MSX1: variants seen among roughly 807,000 people sequenced by gnomAD.
The protein encoded by MSX1 is homeobox protein MSX-1.
In MSX1, 11 loss-of-function variants were observed where a neutral mutation model predicts 17.0. The ratio of observed to expected loss-of-function variants is 0.65; its 90% CI spans 0.41 to 1.07. The LOEUF (loss-of-function observed/expected upper bound fraction) is 1.07. Ranked by LOEUF, MSX1 falls within the 50% of genes least tolerant of loss-of-function variation. MSX1 has a pLI of 0.00. For missense variants in MSX1, 477 were observed against 440.1 expected (o/e 1.08, Z -0.75); for synonymous variants, 253 against 211.8 (o/e 1.19, Z -1.69).
rs1198963676 is a variant in MSX1 at position 4,859,680 on chromosome 4, C to T, written c.-220C>T. The T allele has an allele frequency of 2.6e-5, 5 of 193,046 alleles. No homozygotes were observed. The highest frequency in any genetic ancestry group is 7.1e-5 in the African/African-American group (3 of 42,362). The allele number at this position is 193,046 out of a possible 1,614,324, so 12.0% of individuals were successfully genotyped here. A position where few individuals can be genotyped will look rare whatever the true frequency, so the allele number is the denominator to read the frequency against. The stretch of plus-strand genomic sequence containing the variant: ...GAGCCGCGGTAGGGCCCGGAGCCGG[C>T]GAGTGCTCCCGGGAACTCTGCCTGC... On this transcript the variant is annotated 5_prime_UTR_variant, in exon 1 of 2. Transcript: ENST00000382723.
In MSX1 at chr4:4,863,202, C is replaced by T; in HGVS notation, c.*59C>T. ...ATTCCTCCAGCCCTGGTGCTGTACCCCCGACGTGCTCCCCTGCTCGGCACC... is the reference window on the plus strand; with the variant it reads ...ATTCCTCCAGCCCTGGTGCTGTACCTCCGACGTGCTCCCCTGCTCGGCACC... On this transcript the variant is annotated 3_prime_UTR_variant, in exon 2 of 2. Coordinates refer to ENST00000382723, the MANE Select transcript of MSX1 (RefSeq NM_002448.3). 2 of 1,520,096 alleles carry T rather than the reference C, an allele frequency of 1.3e-6. No homozygotes were observed. The highest frequency in any genetic ancestry group is 2.4e-5 in the South Asian group (2 of 84,582). The allele number at this position is 1,520,096 out of a possible 1,614,324, so 94.2% of individuals were successfully genotyped here.
chr4:4,859,898 G>T lies in MSX1; in HGVS notation c.-2G>T. ...GCGGCAGAAGGGGGGGCCCGGCTCT[G>T]CATGGCCCCGGCTGCTGACATGACT... On this transcript the variant is annotated 5_prime_UTR_variant, in exon 1 of 2. Coordinates refer to ENST00000382723, the MANE Select transcript of MSX1 (RefSeq NM_002448.3). The T allele has an allele frequency of 1.3e-6, 2 of 1,490,954 alleles. No homozygotes were observed. Among genetic ancestry groups the T allele is most frequent in the Non-Finnish European group, 8.9e-7 (1 of 1,120,648 alleles). The allele number at this position is 1,490,954 out of a possible 1,614,324, so 92.4% of individuals were successfully genotyped here.
At chr4:4,860,516 C>A in intron 1 of MSX1, 148 bp downstream of exon 1, 3 of 943,410 alleles carry the variant, frequency 3.2e-6, no homozygotes, top group Non-Finnish European at 4.8e-6. Flanking sequence ...GGTCTTGCGC[C>A]TCCCTCCACT....
intron 1 of MSX1, among the ~76,000 whole-genome samples, chr4:4,861,672 C>T (rs949872524): frequency 1.6e-4 from 25 of 152,346 alleles, no homozygotes; most frequent in African/African-American, 4.8e-4. Flanking sequence ...CAAAGCGATC[C>T]CGGCTGTGTT....
Position 4,860,388 on chromosome 4 carries a change from G to T in MSX1, c.469+20G>T. On this transcript the variant is annotated intron_variant, in intron 1 of 1. Transcript: ENST00000382723. ...CGGCCAGTGAGTAGCCAGAACCCAG[G>T]CGCAGAGGGAGGGGGCCGGGTGGGG... The T allele has an allele frequency of 6.3e-7, 1 of 1,595,396 alleles. No homozygotes were observed.
At position 4,859,906 on chromosome 4, in the gene MSX1, C is replaced by T; in HGVS notation, c.7C>T (p.Pro3Ser). Residue 3 changes from proline (P) to serine (S), a missense_variant, in exon 1 of 2, where the codon CCG (proline) becomes TCG (serine). Pro to Ser is a moderately conservative substitution (Grantham distance 74). Around this residue, in one of 3 missense-constraint regions of MSX1, gnomAD observed 355 missense variants for 306.1 expected, o/e 1.16. Coordinates refer to ENST00000382723, the MANE Select transcript of MSX1 (RefSeq NM_002448.3). The part of the protein sequence containing the change: MA[P>S]AADMTSLPLG... ...AGGGGGGGCCCGGCTCTGCATGGCCCCGGCTGCTGACATGACTTCTTTGCC... is the reference window on the plus strand; with the variant it reads ...AGGGGGGGCCCGGCTCTGCATGGCCTCGGCTGCTGACATGACTTCTTTGCC... 6.7e-7 allele frequency: 1 copy of T among 1,493,858 alleles called. No individual in the cohort carries two copies. The highest frequency in any genetic ancestry group is 8.9e-7 in the Non-Finnish European group (1 of 1,122,246). The allele number at this position is 1,493,858 out of a possible 1,614,324, so 92.5% of individuals were successfully genotyped here. A position where few individuals can be genotyped will look rare whatever the true frequency, so the allele number is the denominator to read the frequency against.
intron 1 of MSX1, among the ~76,000 whole-genome samples, chr4:4,861,116 A>G (rs1233893399): frequency 6.6e-6 from 1 of 152,266 alleles, no homozygotes; most frequent in Non-Finnish European, 1.5e-5. Context: ...GAGCACGGGA[A>G]ATTCCCAAGT....
chr4:4,861,463 G>C (rs577375829), intron 1 of MSX1, among the ~76,000 whole-genome samples: 2 of 152,366 alleles, frequency 1.3e-5, no homozygotes, highest in East Asian at 1.9e-4. Flanking sequence ...CCAAAGGATC[G>C]TTGTGTTTTC....
intron 1 of MSX1, among the ~76,000 whole-genome samples, chr4:4,861,275 C>A (rs1470347448): frequency 2.6e-5 from 4 of 152,278 alleles, no homozygotes; most frequent in Non-Finnish European, 5.9e-5. Context: ...GGTGGCCCCG[C>A]TCTGGGTTGT....
rs1737966319 is a variant in MSX1 at position 4,863,235 on chromosome 4, G to A, written c.*92G>A. On this transcript the variant is annotated 3_prime_UTR_variant, in exon 2 of 2. Transcript: ENST00000382723. Reference sequence around the variant, plus strand: ...GCTCCCCTGCTCGGCACCGCCAGCCGCCTTCCCTTTAACCCTCACACTGCT... The same window carrying A: ...GCTCCCCTGCTCGGCACCGCCAGCCACCTTCCCTTTAACCCTCACACTGCT... 3.7e-6 allele frequency: 5 copies of A among 1,338,534 alleles called. No individual in the cohort carries two copies. Among genetic ancestry groups the A allele is most frequent in the Non-Finnish European group, 5.1e-6 (5 of 971,934 alleles). The allele number at this position is 1,338,534 out of a possible 1,614,324, so 82.9% of individuals were successfully genotyped here.
Position 4,863,241 on chromosome 4 carries a change from C to A in MSX1, c.*98C>A. ...CTGCTCGGCACCGCCAGCCGCCTTC[C>A]CTTTAACCCTCACACTGCTCCAGTT... is the stretch of plus-strand genomic sequence containing the variant. On this transcript the variant is annotated 3_prime_UTR_variant, in exon 2 of 2. Coordinates refer to ENST00000382723, the MANE Select transcript of MSX1 (RefSeq NM_002448.3). The A allele has an allele frequency of 8.0e-7, 1 of 1,255,088 alleles. No individual in the cohort carries two copies. The highest frequency in any genetic ancestry group is 1.1e-6 in the Non-Finnish European group (1 of 896,792). 77.7% of individuals were successfully genotyped at this position (1,255,088 alleles called of 1,614,324 possible).
chr4:4,863,168 G>C lies in MSX1; in HGVS notation c.*25G>C. On this transcript the variant is annotated 3_prime_UTR_variant, in exon 2 of 2. Transcript: ENST00000382723. ...GAGGGTCCCAGGTCGCCCACCTGTG[G>C]GCCAGCCGATTCCTCCAGCCCTGGT... is the stretch of plus-strand genomic sequence containing the variant. 1 of 1,573,348 alleles carries C rather than the reference G, an allele frequency of 6.4e-7. No homozygotes were observed. Among genetic ancestry groups the C allele is most frequent in the Non-Finnish European group, 8.6e-7 (1 of 1,167,124 alleles).
intron 1 of MSX1, among the ~76,000 whole-genome samples, chr4:4,861,904 C>T (rs1000853737): frequency 1.1e-4 from 17 of 150,528 alleles, no homozygotes; most frequent in Admixed American, 2.0e-4. Context: ...TCAACACACA[C>T]ACACACACAC....
chr4:4,862,774 C>A lies in MSX1; in HGVS notation c.543C>A (p.Thr181=), dbSNP rs147849679. The part of the protein sequence containing the change: ...TNRKPRTPFT[T]AQLLALERKF... ...GTAAGCCGCGGACGCCCTTCACCAC[C>A]GCGCAGCTGCTGGCGCTGGAGCGCA... is the stretch of plus-strand genomic sequence containing the variant. Residue 181 remains threonine (T), a synonymous_variant, in exon 2 of 2, where the codon ACC becomes ACA. Coordinates refer to ENST00000382723, the MANE Select transcript of MSX1 (RefSeq NM_002448.3). The A allele has an allele frequency of 1.2e-6, 2 of 1,613,550 alleles. No homozygotes were observed. Among genetic ancestry groups the A allele is most frequent in the African/African-American group, 1.3e-5 (1 of 75,078 alleles).
At position 4,863,078 on chromosome 4, in the gene MSX1, C is replaced by G. The variant is rs1222467199; in HGVS notation, c.847C>G (p.Leu283Val). ...CTCTGGCCCCTTCCAGCGCGCCGCG[C>G]TGCCTGTGGCGCCCGTGGGACTCTA... ...GASGPFQRAALPVAPVGLYTA... is the reference protein window; with the variant it reads ...GASGPFQRAAVPVAPVGLYTA... The change falls in exon 2 of 2, where the codon CTG (leucine) becomes GTG (valine). Residue 283 changes from leucine to valine, a missense_variant. Transcript: ENST00000382723. The G allele has an allele frequency of 3.1e-6, 5 of 1,608,698 alleles. No homozygotes were observed. The African/African-American group carries it at 5.4e-5, about 17-fold the overall frequency.
intron 1 of MSX1, among the ~76,000 whole-genome samples, chr4:4,862,098 G>A (rs542186276): frequency 6.6e-6 from 1 of 152,216 alleles, no homozygotes; most frequent in Non-Finnish European, 1.5e-5. Context: ...GATGGTCTGC[G>A]CTGCTCCATC....
In MSX1 at chr4:4,860,301, C is replaced by T. The variant is rs1409717953; in HGVS notation, c.402C>T (p.Ala134=). The change falls in exon 1 of 2, where the codon GCC becomes GCT. Residue 134 remains alanine, a synonymous_variant. Transcript: ENST00000382723. The part of the protein sequence containing the change: ...LKLPEDALVK[A]ESPEKPERTP... Reference sequence around the variant, plus strand: ...TGCCAGAAGATGCGCTCGTCAAAGCCGAGAGCCCCGAGAAGCCCGAGAGGA... The same window carrying T: ...TGCCAGAAGATGCGCTCGTCAAAGCTGAGAGCCCCGAGAAGCCCGAGAGGA... The T allele has an allele frequency of 6.2e-7, 1 of 1,602,194 alleles. No individual in the cohort carries two copies. Among genetic ancestry groups the T allele is most frequent in the South Asian group, 1.1e-5 (1 of 91,002 alleles).
In MSX1 at chr4:4,863,204, C is replaced by G; in HGVS notation, c.*61C>G. ...TCCTCCAGCCCTGGTGCTGTACCCCCGACGTGCTCCCCTGCTCGGCACCGC... is the reference window on the plus strand; with the variant it reads ...TCCTCCAGCCCTGGTGCTGTACCCCGGACGTGCTCCCCTGCTCGGCACCGC... On this transcript the variant is annotated 3_prime_UTR_variant, in exon 2 of 2. Coordinates refer to ENST00000382723, the MANE Select transcript of MSX1 (RefSeq NM_002448.3). 2.6e-6 allele frequency: 4 copies of G among 1,512,918 alleles called. No homozygotes were observed. The highest frequency in any genetic ancestry group is 1.8e-6 in the Non-Finnish European group (2 of 1,123,346). The allele number at this position is 1,512,918 out of a possible 1,614,324, so 93.7% of individuals were successfully genotyped here.
rs1188749715 is a variant in MSX1 at position 4,860,163 on chromosome 4, G to T, written c.264G>T (p.Ala88=). Residue 88 remains alanine (A), a synonymous_variant, in exon 1 of 2, where the codon GCG becomes GCT. Transcript: ENST00000382723. ...TGGCGCCCTCCGAGGGCGTGCAGGC[G>T]GCGGGTGGCTCGGCGCAGCCACTGG... is the stretch of plus-strand genomic sequence containing the variant. ...SALAPSEGVQ[A]AGGSAQPLGV... 2.0e-6 allele frequency: 3 copies of T among 1,507,646 alleles called. No homozygotes were observed. Among genetic ancestry groups the T allele is most frequent in the South Asian group, 2.5e-5 (2 of 80,876 alleles). The allele number at this position is 1,507,646 out of a possible 1,614,324, so 93.4% of individuals were successfully genotyped here.
Sources: allele counts gnomAD v4.1 joint callset (sites outside exome capture counted in the v4.1 genomes callset), GRCh38; gene constraint gnomAD v4.1.1; regional missense constraint gnomAD v4.1.1; transcripts MANE v1.5; gene names NCBI Gene and HGNC (gene_info 2026-07-23, HGNC 2026-07-21).